The following ADGRA3 variants were observed in gnomAD, a reference collection of about 807,000 sequenced individuals.
The protein encoded by ADGRA3 is G-protein coupled receptor 125.
ADGRA3 carries 56 observed loss-of-function variants against 119.8 expected under a neutral mutation model. The ratio of observed to expected loss-of-function variants is 0.47; its 90% CI spans 0.38 to 0.58. The LOEUF (loss-of-function observed/expected upper bound fraction) is 0.58, where lower values mean the gene tolerates loss of function less well. ADGRA3 is among the 20% of genes least tolerant of loss of function. ADGRA3 has a pLI of 0.00. For synonymous variants in ADGRA3, 607 were observed against 623.8 expected (o/e 0.97, Z 0.40); for missense variants, 1,516 against 1,649.0 (o/e 0.92, Z 1.40).
At chr4:22,511,274 G>T (rs73114193) in intron 1 of ADGRA3, among the ~76,000 whole-genome samples, 28 of 151,976 alleles carry the variant, frequency 1.8e-4, no homozygotes, top group Admixed American at 1.5e-3. Flanking sequence ...CAGAAATACA[G>T]TAAATAAGTA....
Position 22,392,599 on chromosome 4 carries a change from G to T in ADGRA3, c.2573C>A (p.Ala858Asp), listed in dbSNP as rs145912220. The T allele has an allele frequency of 6.2e-7, 1 of 1,613,850 alleles. No homozygotes were observed. The highest frequency in any genetic ancestry group is 1.3e-5 in the African/African-American group (1 of 75,004). The stretch of plus-strand genomic sequence containing the variant: ...TTCATCAGGATCCTGGCATCTTTTA[G>T]CTTTTTTAGTGACTTGTTTGTAGAT... ...RNIYKQVTKK[A>D]KRCQDPDEPP... The change falls in exon 17 of 19, where the codon GCT (alanine) becomes GAT (aspartate). Residue 858 changes from alanine to aspartate, a missense_variant. Ala to Asp is a moderately radical substitution (Grantham distance 126). This residue lies in a region of ADGRA3 where 1,088 missense variants were observed against 1,107.1 expected (regional missense o/e 0.98). Coordinates refer to ENST00000334304, the MANE Select transcript of ADGRA3 (RefSeq NM_145290.4).
chr4:22,441,788 T>C (rs1716625599), intron 7 of ADGRA3, among the ~76,000 whole-genome samples: 1 of 152,202 alleles, frequency 6.6e-6, no homozygotes, highest in Admixed American at 6.6e-5. Context: ...ACTCTAAATG[T>C]TGGAAGATAT....
chr4:22,456,599 C>G (rs1370246635), intron 3 of ADGRA3, among the ~76,000 whole-genome samples: 3 of 152,158 alleles, frequency 2.0e-5, no homozygotes, highest in Admixed American at 6.5e-5. Flanking sequence ...GTCAGCTTCT[C>G]CAGTTCTAAG....
chr4:22,434,802 C>T (rs1716328242), intron 10 of ADGRA3, among the ~76,000 whole-genome samples: 1 of 152,166 alleles, frequency 6.6e-6, no homozygotes, highest in African/African-American at 2.4e-5. Context: ...AAATACGCCA[C>T]TTTTAGAATT....
intron 3 of ADGRA3, among the ~76,000 whole-genome samples, chr4:22,456,588 G>T (rs2109094733): frequency 6.6e-6 from 1 of 152,264 alleles, no homozygotes; most frequent in East Asian, 1.9e-4. Flanking sequence ...GGGACTGCAA[G>T]GTCAGCTTCT....
chr4:22,428,107 A>G lies in ADGRA3; in HGVS notation c.1444-3755T>C, dbSNP rs145469841. ...AATTTAATACATTTCTGATGTTATC[A>G]TATTAATATACAAGATAATACGTAA... On this transcript the variant is annotated intron_variant, in intron 10 of 18. Coordinates refer to ENST00000334304, the MANE Select transcript of ADGRA3 (RefSeq NM_145290.4). Among the ~76,000 whole-genome samples the G allele has an allele frequency of 2.4e-3, 373 of 152,300 alleles. 5 individuals are homozygous for G. Among genetic ancestry groups the G allele is most frequent in the African/African-American group, 8.5e-3 (352 of 41,580 alleles).
intron 16 of ADGRA3, among the ~76,000 whole-genome samples, chr4:22,400,274 A>G (rs1166937687): frequency 6.6e-6 from 1 of 152,202 alleles, no homozygotes; most frequent in Non-Finnish European, 1.5e-5. Context: ...TACTCACAGT[A>G]GCCAAGAGAT....
At chr4:22,455,818 G>A (rs1281735731) in intron 3 of ADGRA3, 146 of 1,288,122 alleles carry the variant, frequency 1.1e-4, no homozygotes, top group Non-Finnish European at 1.5e-4. Flanking sequence ...CACCTGGCAT[G>A]GCATGACTCG....
chr4:22,487,408 TCATACTC>T (rs1332916670), intron 1 of ADGRA3, among the ~76,000 whole-genome samples: 1 of 152,118 alleles, frequency 6.6e-6, no homozygotes, highest in Non-Finnish European at 1.5e-5. Context: ...ACAATAGGGT[TCATACTC>T]CTGTGAGAAT....
chr4:22,501,055 A>G (rs899060315), intron 1 of ADGRA3, among the ~76,000 whole-genome samples: 1 of 152,084 alleles, frequency 6.6e-6, no homozygotes, highest in African/African-American at 2.4e-5. Context: ...AGACTCTCAG[A>G]CCTTTGAACC....
chr4:22,482,001 A>AT (rs1162199158), intron 1 of ADGRA3, among the ~76,000 whole-genome samples: 2 of 152,202 alleles, frequency 1.3e-5, no homozygotes, highest in African/African-American at 4.8e-5. Flanking sequence ...AATTAAATCA[A>AT]TTTTGTCATA....
chr4:22,401,782 A>G (rs1220735212), intron 15 of ADGRA3, among the ~76,000 whole-genome samples: 2 of 152,186 alleles, frequency 1.3e-5, no homozygotes, highest in East Asian at 1.9e-4. Context: ...GCACTTAAAA[A>G]CAAAAAGCCA....
chr4:22,419,049 C>T (rs1715543778), intron 12 of ADGRA3, among the ~76,000 whole-genome samples: 3 of 151,926 alleles, frequency 2.0e-5, no homozygotes, highest in Admixed American at 1.3e-4. Context: ...GATGGGAGTC[C>T]GAAGCAGGCT....
intron 1 of ADGRA3, among the ~76,000 whole-genome samples, chr4:22,494,528 G>A (rs79771723): frequency 6.6e-6 from 1 of 151,916 alleles, no homozygotes; most frequent in African/African-American, 2.4e-5. Flanking sequence ...ACCCTCTCTT[G>A]GGGTCTGGAT....
intron 14 of ADGRA3, among the ~76,000 whole-genome samples, chr4:22,406,184 T>C (rs559049520): frequency 2.0e-5 from 3 of 152,342 alleles, no homozygotes; most frequent in African/African-American, 7.2e-5. Context: ...CCTTGGTGTA[T>C]ATATACCATA....
At chr4:22,486,118 T>G (rs1718424356) in intron 1 of ADGRA3, among the ~76,000 whole-genome samples, 1 of 152,234 alleles carries the variant, frequency 6.6e-6, no homozygotes, top group South Asian at 2.1e-4. Context: ...CTTTATTTAT[T>G]CCACAACGTC....
intron 1 of ADGRA3, among the ~76,000 whole-genome samples, chr4:22,496,355 T>C (rs979769497): frequency 1.3e-5 from 2 of 152,146 alleles, no homozygotes; most frequent in Non-Finnish European, 2.9e-5. Context: ...ATCATAATGA[T>C]CTCATTAGGG....
rs373868068 is a variant in ADGRA3, at chr4:22,387,456, C to T, written c.*249G>A. 75 of 394,088 alleles carry T rather than the reference C, an allele frequency of 1.9e-4. No homozygotes were observed. The South Asian group carries it at 5.5e-3, about 29-fold the overall frequency. 24.4% of individuals were successfully genotyped at this position (394,088 alleles called of 1,614,324 possible). ...ACAAATTACAGATTCCAAGAAATTA[C>T]ATTTCACATCCCAAAATGTCCTGTT... is the stretch of plus-strand genomic sequence containing the variant. On this transcript the variant is annotated 3_prime_UTR_variant, in exon 19 of 19. Transcript: ENST00000334304.
At chr4:22,423,343 C>G (rs1163050653) in intron 11 of ADGRA3, among the ~76,000 whole-genome samples, 2 of 151,924 alleles carry the variant, frequency 1.3e-5, no homozygotes, top group African/African-American at 4.8e-5. Flanking sequence ...ATGGTAACAT[C>G]TAAAAAAGGT....
Sources: allele counts gnomAD v4.1 joint callset (sites outside exome capture counted in the v4.1 genomes callset), GRCh38; gene constraint gnomAD v4.1.1; regional missense constraint gnomAD v4.1.1; transcripts MANE v1.5; gene names NCBI Gene and HGNC (gene_info 2026-07-23, HGNC 2026-07-21).